The following CSMD1 variants were observed in gnomAD, a reference collection of about 807,000 sequenced individuals.
CSMD1 encodes CUB and sushi domain-containing protein 1.
A neutral mutation model predicts 417.5 loss-of-function variants in CSMD1; 213 were observed. That is an observed-to-expected ratio of 0.51 (90% CI 0.46 to 0.57). CSMD1 has a LOEUF of 0.57. Among genes scored for constraint, CSMD1 ranks in the 20% least tolerant of loss-of-function variants. CSMD1 has a pLI of 0.00. For synonymous variants in CSMD1, 2,862 were observed against 1,736.8 expected (o/e 1.65, Z -16.11); for missense variants, 6,923 against 4,529.7 (o/e 1.53, Z -15.17).
intron 3 of CSMD1, among the ~76,000 whole-genome samples, chr8:4,351,964 T>TTC (rs932567641): frequency 2.5e-4 from 38 of 149,710 alleles, no homozygotes; most frequent in African/African-American, 9.1e-4. Flanking sequence ...TTTTTTTTTT[T>TTC]CAGAAAAAAA....
intron 51 of CSMD1, among the ~76,000 whole-genome samples, chr8:3,021,594 T>C (rs943188657): frequency 6.6e-6 from 1 of 152,222 alleles, no homozygotes; most frequent in African/African-American, 2.4e-5. Context: ...AGCAAGTCTT[T>C]GCACAAAAAA....
intron 1 of CSMD1, among the ~76,000 whole-genome samples, chr8:4,898,580 T>C (rs1002287426): frequency 6.6e-5 from 10 of 152,224 alleles, no homozygotes; most frequent in African/African-American, 1.2e-4. Flanking sequence ...TCACAAATCA[T>C]ATCCTAGTTC....
At chr8:3,514,558 A>G (rs1275190034) in intron 10 of CSMD1, among the ~76,000 whole-genome samples, 3 of 152,236 alleles carry the variant, frequency 2.0e-5, no homozygotes, top group Non-Finnish European at 2.9e-5. Context: ...AATATGTTAT[A>G]GTTGGGGGAA....
chr8:3,277,413 G>C (rs548867918), intron 26 of CSMD1, among the ~76,000 whole-genome samples: 9 of 152,290 alleles, frequency 5.9e-5, no homozygotes, highest in Admixed American at 3.3e-4. Context: ...GGGCAGCTCA[G>C]ACCCCCAGCG....
At chr8:3,340,924 T>A (rs10503203) in intron 23 of CSMD1, among the ~76,000 whole-genome samples, 2,321 of 152,268 alleles carry the variant, frequency 0.015, 69 homozygotes, top group African/African-American at 0.053. Flanking sequence ...TTGATTATAA[T>A]AAGAGCTAAG....
intron 3 of CSMD1, among the ~76,000 whole-genome samples, chr8:4,126,532 C>A (rs956013972): frequency 6.6e-6 from 1 of 152,218 alleles, no homozygotes; most frequent in African/African-American, 2.4e-5. Flanking sequence ...ATGGTCAGTG[C>A]TGCAGGGAGG....
At chr8:3,403,141 AT>A (rs368563790) in intron 15 of CSMD1, among the ~76,000 whole-genome samples, 15 of 152,278 alleles carry the variant, frequency 9.9e-5, no homozygotes, top group African/African-American at 3.6e-4. Flanking sequence ...ACTTATTTTA[AT>A]TTGTTAAGGT....
chr8:4,081,349 G>C (rs1247251964), intron 3 of CSMD1, among the ~76,000 whole-genome samples: 2 of 152,148 alleles, frequency 1.3e-5, no homozygotes, highest in East Asian at 1.9e-4. Context: ...TTAAACAACA[G>C]GGTATTGTGT....
intron 1 of CSMD1, among the ~76,000 whole-genome samples, chr8:4,674,257 C>T (rs117968654): frequency 3.2e-3 from 480 of 151,956 alleles, no homozygotes; most frequent in East Asian, 0.018. Context: ...TTGAAAAAAG[C>T]GGGAGGTTAT....
chr8:3,216,249 A>T (rs919402030), intron 29 of CSMD1, among the ~76,000 whole-genome samples: 1 of 152,138 alleles, frequency 6.6e-6, no homozygotes, highest in Non-Finnish European at 1.5e-5. Context: ...TATAGAATAT[A>T]GAACATTATT....
intron 3 of CSMD1, among the ~76,000 whole-genome samples, chr8:4,110,164 T>A (rs1008824702): frequency 6.6e-6 from 1 of 152,130 alleles, no homozygotes; most frequent in African/African-American, 2.4e-5. Flanking sequence ...AAATCTGCCA[T>A]TTCATCTGGA....
intron 5 of CSMD1, among the ~76,000 whole-genome samples, chr8:3,793,914 G>A (rs1487601963): frequency 6.6e-6 from 1 of 152,136 alleles, no homozygotes; most frequent in Non-Finnish European, 1.5e-5. Flanking sequence ...TGGAATTGCT[G>A]TGATTCTCTT....
chr8:3,843,143 T>A (rs149319787), intron 5 of CSMD1, among the ~76,000 whole-genome samples: 4 of 152,200 alleles, frequency 2.6e-5, no homozygotes, highest in Admixed American at 6.5e-5. Flanking sequence ...GCACATCTAA[T>A]GGAATCAATT....
intron 48 of CSMD1, among the ~76,000 whole-genome samples, chr8:3,088,936 T>C (rs1563326420): frequency 6.6e-6 from 1 of 152,126 alleles, no homozygotes; most frequent in Admixed American, 6.6e-5. Flanking sequence ...AAATAAAGTT[T>C]GCAGGAAGTG....
At chr8:3,308,784 C>A (rs904537134) in intron 23 of CSMD1, among the ~76,000 whole-genome samples, 3 of 129,258 alleles carry the variant, frequency 2.3e-5, no homozygotes, top group African/African-American at 8.7e-5. Context: ...AGTGCAATGG[C>A]GTGATCTTGC....
intron 49 of CSMD1, 121 bp downstream of exon 49, chr8:3,086,976 G>C (rs997118482): frequency 6.6e-6 from 6 of 912,486 alleles, no homozygotes; most frequent in Non-Finnish European, 1.0e-5. Flanking sequence ...ACTGTTATAA[G>C]CCAACATTCA....
chr8:3,606,381 T>C (rs1331673572), intron 8 of CSMD1, among the ~76,000 whole-genome samples: 1 of 152,202 alleles, frequency 6.6e-6, no homozygotes, highest in Non-Finnish European at 1.5e-5. Context: ...GGCATGTTAC[T>C]GTACTGAGTA....
At chr8:3,728,967 T>G (rs560640109) in intron 6 of CSMD1, among the ~76,000 whole-genome samples, 1 of 152,302 alleles carries the variant, frequency 6.6e-6, no homozygotes, top group African/African-American at 2.4e-5. Flanking sequence ...TTCGAATATC[T>G]GCAGGGCTGA....
chr8:4,566,956 C>A (rs1798644155), intron 2 of CSMD1, among the ~76,000 whole-genome samples: 1 of 149,082 alleles, frequency 6.7e-6, no homozygotes, highest in Non-Finnish European at 1.5e-5. Context: ...GCAATCGAGA[C>A]TTTAGCAGTC....
Sources: gnomAD v4.1 joint callset for allele counts (sites outside exome capture counted in the v4.1 genomes callset) on GRCh38, gnomAD v4.1.1 for gene constraint, MANE v1.5 for transcripts, NCBI Gene and HGNC (gene_info 2026-07-23, HGNC 2026-07-21) for gene names.